Variants in ZBED5 observed in about 807,000 individuals in gnomAD.
ZBED5 encodes zinc finger BED domain-containing protein 5.
Under a neutral mutation model 49.2 loss-of-function variants are expected in ZBED5, and 29 were observed. The observed-to-expected ratio is 0.59, with a 90% CI of 0.44 to 0.80. The LOEUF (loss-of-function observed/expected upper bound fraction) is 0.80, where lower values mean the gene tolerates loss of function less well. ZBED5 is among the 30% of genes least tolerant of loss of function. The probability of loss-of-function intolerance (pLI) is 0.00; values close to 1 mark genes in which losing one functional copy is unlikely to be tolerated. For synonymous variants in ZBED5, 281 were observed against 292.5 expected (o/e 0.96, Z 0.40); for missense variants, 775 against 812.9 (o/e 0.95, Z 0.57).
At position 10,858,026 on chromosome 11, in the gene ZBED5, G is replaced by C. The variant is rs997047578; in HGVS notation, c.-420C>G. On this transcript the variant is annotated 5_prime_UTR_variant, in exon 1 of 3. It adds an upstream start codon to the 5' untranslated region. Transcript: ENST00000413761. ...GCCTAGGCCATCTCCATAGAGATCC[G>C]ATTCGCGGCTGGCGCGGTCGCCGGT... 8 of 307,500 alleles carry C rather than the reference G, an allele frequency of 2.6e-5. No homozygotes were observed. The highest frequency in any genetic ancestry group is 1.5e-4 in the Admixed American group (3 of 19,714). The allele number at this position is 307,500 out of a possible 1,614,324, so 19.0% of individuals were successfully genotyped here.
chr11:10,853,551 TAAAC>T lies in ZBED5; in HGVS notation c.1391_1394del (p.Cys464Ter). Reference sequence around the variant, plus strand: ...GTCTTAGCAGCCAAGATGAATTTGTTAAACAATCAGATAGTCGAAAAGCAGAATC... The same window carrying T: ...GTCTTAGCAGCCAAGATGAATTTGTTAATCAGATAGTCGAAAAGCAGAATC... On this transcript the variant is annotated frameshift_variant, in exon 3 of 3. Transcript: ENST00000413761. LOFTEE classifies it high-confidence loss of function. This position sits in a 1 kb window ranked among gnomAD's most constrained non-coding sequence, Gnocchi z 5.4. The T allele has an allele frequency of 1.3e-6, 2 of 1,549,466 alleles. No homozygotes were observed. The highest frequency in any genetic ancestry group is 1.2e-5 in the South Asian group (1 of 83,820).
Position 10,853,613 on chromosome 11 carries a change from A to T in ZBED5, c.1333T>A (p.Phe445Ile). ...ACCAAAAGTTCACGACGAAGTTCAAAAAGTCTTACAAGAACTTTACCTCGA... is the reference window on the plus strand; with the variant it reads ...ACCAAAAGTTCACGACGAAGTTCAATAAGTCTTACAAGAACTTTACCTCGA... ...LSRGKVLVRL[F>I]ELRRELLVFM... The change falls in exon 3 of 3, where the codon TTT (phenylalanine) becomes ATT (isoleucine). Residue 445 changes from phenylalanine (F) to isoleucine (I), a missense_variant. Physicochemically the swap from Phe to Ile is conservative, Grantham distance 21. Transcript: ENST00000413761. This position sits in a 1 kb window ranked among gnomAD's most constrained non-coding sequence, Gnocchi z 5.4. 1 of 1,551,474 alleles carries T rather than the reference A, an allele frequency of 6.4e-7. No individual in the cohort carries two copies. Among genetic ancestry groups the T allele is most frequent in the Non-Finnish European group, 8.7e-7 (1 of 1,146,918 alleles).
rs944364021 is a variant in ZBED5, at chr11:10,854,261, T to G, written c.685A>C (p.Met229Leu). 5 of 1,551,200 alleles carry G rather than the reference T, an allele frequency of 3.2e-6. No homozygotes were observed. Among genetic ancestry groups the G allele is most frequent in the Middle Eastern group, 1.7e-4 (1 of 5,992 alleles). Residue 229 changes from methionine to leucine, a missense_variant, in exon 3 of 3, where the codon ATG becomes CTG. Met to Leu is a conservative substitution (Grantham distance 15). Transcript: ENST00000413761. The surrounding 1 kb of genome is among the most constrained non-coding windows in gnomAD (Gnocchi z 5.0). ...KPCAKDVVMRMFDEQYSKKID... is the reference protein window; with the variant it reads ...KPCAKDVVMRLFDEQYSKKID... ...TTTTTACTATATTGTTCATCAAACA[T>G]CCGCATCACTACATCTTTTGCACAA...
Position 10,854,996 on chromosome 11 carries a change from T to C in ZBED5, c.-51A>G. 2 of 1,518,168 alleles carry C rather than the reference T, an allele frequency of 1.3e-6. No homozygotes were observed. Among genetic ancestry groups the C allele is most frequent in the South Asian group, 2.5e-5 (2 of 78,456 alleles). The allele number at this position is 1,518,168 out of a possible 1,614,324, so 94.0% of individuals were successfully genotyped here. A position where few individuals can be genotyped will look rare whatever the true frequency, so the allele number is the denominator to read the frequency against. On this transcript the variant is annotated 5_prime_UTR_variant, in exon 3 of 3. Transcript: ENST00000413761. This position sits in a 1 kb window ranked among gnomAD's most constrained non-coding sequence, Gnocchi z 5.0. Reference sequence around the variant, plus strand: ...TCAGTTAATTTGTAAATGCTGCCTATTCATCAATGCGCAGATGGAACATCA... The same window carrying C: ...TCAGTTAATTTGTAAATGCTGCCTACTCATCAATGCGCAGATGGAACATCA...
chr11:10,854,001 AG>A lies in ZBED5; in HGVS notation c.944del (p.Ala315ValfsTer45). 31 of 1,551,562 alleles carry A rather than the reference AG, an allele frequency of 2.0e-5. No homozygotes were observed. The highest frequency in any genetic ancestry group is 2.5e-5 in the Non-Finnish European group (29 of 1,146,930). On this transcript the variant is annotated frameshift_variant, in exon 3 of 3. Transcript: ENST00000413761. LOFTEE classifies it high-confidence loss of function. The surrounding 1 kb of genome is among the most constrained non-coding windows in gnomAD (Gnocchi z 5.0). ...LLLCESLQSN[A>X]TGEEIFNCIN... ...TACAGTTGAATATTTCTTCACCGGT[AG>A]CATTACTTTGCAAAGATTCACACAG...
At chr11:10,856,418 T>C (rs1254494441) in intron 1 of ZBED5, among the ~76,000 whole-genome samples, 161 bp from the exon 2 acceptor site, 1 of 152,246 alleles carries the variant, frequency 6.6e-6, no homozygotes, top group Non-Finnish European at 1.5e-5. Flanking sequence ...GTAAAAATTC[T>C]AACATTTTCA....
rs1488087439 is a variant in ZBED5 at position 10,853,636 on chromosome 11, C to T, written c.1310G>A (p.Arg437Gln). The T allele has an allele frequency of 2.3e-5, 35 of 1,551,478 alleles. No homozygotes were observed. Among genetic ancestry groups the T allele is most frequent in the Admixed American group, 3.9e-5 (2 of 50,972 alleles). The change falls in exon 3 of 3, where the codon CGA becomes CAA. Residue 437 changes from arginine to glutamine, a missense_variant. Transcript: ENST00000413761. This position sits in a 1 kb window ranked among gnomAD's most constrained non-coding sequence, Gnocchi z 5.4. ...LLNTEVRWLS[R>Q]GKVLVRLFEL... The stretch of plus-strand genomic sequence containing the variant: ...AAAAAGTCTTACAAGAACTTTACCT[C>T]GAGAAAGCCACCTCACCTCTGTATT...
rs1201121446 is a variant in ZBED5, at chr11:10,854,206, G to C, written c.740C>G (p.Thr247Ser). The C allele has an allele frequency of 1.9e-6, 3 of 1,551,090 alleles. No individual in the cohort carries two copies. The highest frequency in any genetic ancestry group is 2.6e-6 in the Non-Finnish European group (3 of 1,146,612). Residue 247 changes from threonine to serine, a missense_variant, in exon 3 of 3, where the codon ACT becomes AGT. Transcript: ENST00000413761. This position sits in a 1 kb window ranked among gnomAD's most constrained non-coding sequence, Gnocchi z 5.0. ...TAGATCCTTAATTCGACGTGCAACA[G>C]TACTGTTTGATAGCTGTACTGCATC... ...KIDAVQLSNS[T>S]VARRIKDLAA...
In ZBED5 at chr11:10,854,560, T is replaced by C. The variant is rs1384798268; in HGVS notation, c.386A>G (p.His129Arg). The C allele has an allele frequency of 1.3e-6, 2 of 1,551,388 alleles. No homozygotes were observed. The highest frequency in any genetic ancestry group is 1.2e-5 in the South Asian group (1 of 84,052). Residue 129 changes from histidine (H) to arginine (R), a missense_variant, in exon 3 of 3, where the codon CAT becomes CGT. By Grantham distance (29) the His-to-Arg change is conservative (BLOSUM62 0). Transcript: ENST00000413761. The surrounding 1 kb of genome is among the most constrained non-coding windows in gnomAD (Gnocchi z 5.0). ...TTTCTTACATAATACACACTGAGCA[T>C]GAGGTGCATCTCTATTTCCGAAGTA... ...FTYFGNRDAP[H>R]AQCVLCKKIL...
At position 10,854,510 on chromosome 11, in the gene ZBED5, G is replaced by C; in HGVS notation, c.436C>G (p.Pro146Ala). The C allele has an allele frequency of 6.4e-7, 1 of 1,551,408 alleles. No homozygotes were observed. Among genetic ancestry groups the C allele is most frequent in the South Asian group, 1.2e-5 (1 of 84,060 alleles). ...TCCAAATGTCTTCGAAGCTTACTAG[G>C]GGCTAAAGAGCTATTTGATAAAATT... ...KKILSNSSLA[P>A]SKLRRHLETK... Residue 146 changes from proline (P) to alanine (A), a missense_variant, in exon 3 of 3, where the codon CCT (proline) becomes GCT (alanine). Physicochemically the swap from Pro to Ala is conservative, Grantham distance 27. Transcript: ENST00000413761. This position sits in a 1 kb window ranked among gnomAD's most constrained non-coding sequence, Gnocchi z 5.0.
Position 10,854,276 on chromosome 11 carries a change from C to T in ZBED5, c.670G>A (p.Asp224Asn). ...GELLIKPCAK[D>N]VVMRMFDEQY... ...TCATCAAACATCCGCATCACTACAT[C>T]TTTTGCACAAGGTTTGATAAGCAAT... The change falls in exon 3 of 3, where the codon GAT becomes AAT. Residue 224 changes from aspartate to asparagine, a missense_variant. Physicochemically the swap from Asp to Asn is conservative, Grantham distance 23. Transcript: ENST00000413761. The surrounding 1 kb of genome is among the most constrained non-coding windows in gnomAD (Gnocchi z 5.0). 6.4e-7 allele frequency: 1 copy of T among 1,551,132 alleles called. No homozygotes were observed. Among genetic ancestry groups the T allele is most frequent in the Non-Finnish European group, 8.7e-7 (1 of 1,146,886 alleles).
In ZBED5 at chr11:10,853,519, T is replaced by C. The variant is rs1848130791; in HGVS notation, c.1427A>G (p.Tyr476Cys). 1.3e-6 allele frequency: 2 copies of C among 1,550,704 alleles called. No homozygotes were observed. Among genetic ancestry groups the C allele is most frequent in the Non-Finnish European group, 1.7e-6 (2 of 1,146,504 alleles). ...TAATTTAGTAAAAATATCTGCAAGATATGCAAGTCTTAGCAGCCAAGATGA... is the reference window on the plus strand; with the variant it reads ...TAATTTAGTAAAAATATCTGCAAGACATGCAAGTCTTAGCAGCCAAGATGA... ...TNSSWLLRLA[Y>C]LADIFTKLNE... Residue 476 changes from tyrosine to cysteine, a missense_variant, in exon 3 of 3, where the codon TAT becomes TGT. Physicochemically the swap from Tyr to Cys is radical, Grantham distance 194. Transcript: ENST00000413761. This position sits in a 1 kb window ranked among gnomAD's most constrained non-coding sequence, Gnocchi z 5.4.
Position 10,855,178 on chromosome 11 carries a change from C to A in ZBED5, c.-141-92G>T. 1 of 407,586 alleles carries A rather than the reference C, an allele frequency of 2.5e-6. No homozygotes were observed. The highest frequency in any genetic ancestry group is 4.4e-6 in the Non-Finnish European group (1 of 227,134). 25.2% of individuals were successfully genotyped at this position (407,586 alleles called of 1,614,324 possible). A position where few individuals can be genotyped will look rare whatever the true frequency, so the allele number is the denominator to read the frequency against. On this transcript the variant is annotated intron_variant, in intron 2 of 2. Transcript: ENST00000413761. The surrounding 1 kb of genome is among the most constrained non-coding windows in gnomAD (Gnocchi z 4.1). ...TTTAAATAAACATATTAAAATCAACCATAAAGAAAAACCAATATTAGCATC... is the reference window on the plus strand; with the variant it reads ...TTTAAATAAACATATTAAAATCAACAATAAAGAAAAACCAATATTAGCATC...
In ZBED5 at chr11:10,852,713, A is replaced by G; in HGVS notation, c.*151T>C. 8.0e-7 allele frequency: 1 copy of G among 1,252,220 alleles called. No individual in the cohort carries two copies. 77.6% of individuals were successfully genotyped at this position (1,252,220 alleles called of 1,614,324 possible). The stretch of plus-strand genomic sequence containing the variant: ...ACCAATAATAACACAATATGTTTAA[A>G]ACGTTTGATTCTTTAGCCTTCTTAA... On this transcript the variant is annotated 3_prime_UTR_variant, in exon 3 of 3. Transcript: ENST00000413761.
In ZBED5 at chr11:10,853,667, G is replaced by T; in HGVS notation, c.1279C>A (p.Leu427Ile). The stretch of plus-strand genomic sequence containing the variant: ...AGCCACCTCACCTCTGTATTTAGAA[G>T]AAGTGCTGTGTGCTGAGCACCCATT... ...EEMGAQHTAL[L>I]LNTEVRWLSR... Residue 427 changes from leucine (L) to isoleucine (I), a missense_variant, in exon 3 of 3, where the codon CTT (leucine) becomes ATT (isoleucine). By Grantham distance (5) the Leu-to-Ile change is conservative. Coordinates refer to ENST00000413761, the MANE Select transcript of ZBED5 (RefSeq NM_001143667.2). This position sits in a 1 kb window ranked among gnomAD's most constrained non-coding sequence, Gnocchi z 5.4. The T allele has an allele frequency of 6.4e-7, 1 of 1,551,656 alleles. No homozygotes were observed. Among genetic ancestry groups the T allele is most frequent in the Non-Finnish European group, 8.7e-7 (1 of 1,146,946 alleles).
At position 10,853,750 on chromosome 11, in the gene ZBED5, A is replaced by T. The variant is rs997673856; in HGVS notation, c.1196T>A (p.Ile399Asn). ...ATGTGGTCGAGCTTTAATATAATTG[A>T]TGATTTGTACTGCCTGGTCTAGCAC... ...KNVLDQAVQIINYIKARPHQS... is the reference protein window; with the variant it reads ...KNVLDQAVQINNYIKARPHQS... The change falls in exon 3 of 3, where the codon ATC becomes AAC. Residue 399 changes from isoleucine to asparagine, a missense_variant. Physicochemically the swap from Ile to Asn is moderately radical, Grantham distance 149 (BLOSUM62 -3). Coordinates refer to ENST00000413761, the MANE Select transcript of ZBED5 (RefSeq NM_001143667.2). The surrounding 1 kb of genome is among the most constrained non-coding windows in gnomAD (Gnocchi z 5.4). The T allele has an allele frequency of 3.9e-6, 6 of 1,551,438 alleles. No individual in the cohort carries two copies. In the African/African-American group the frequency reaches 8.2e-5, roughly 21 times the overall value.
In ZBED5 at chr11:10,854,836, T is replaced by G; in HGVS notation, c.110A>C (p.Asp37Ala). The change falls in exon 3 of 3, where the codon GAT becomes GCT. Residue 37 changes from aspartate to alanine, a missense_variant. Asp to Ala is a moderately radical substitution (Grantham distance 126). Transcript: ENST00000413761. The surrounding 1 kb of genome is among the most constrained non-coding windows in gnomAD (Gnocchi z 5.0). Reference protein sequence around the residue: ...MFCTTNSLPMDLLLKQGSLKQ... With the variant: ...MFCTTNSLPMALLLKQGSLKQ... The stretch of plus-strand genomic sequence containing the variant: ...AAGACTTCCTTGTTTCAGCAACAGA[T>G]CCATGGGCAATGAGTTTGTGGTACA... 6.4e-7 allele frequency: 1 copy of G among 1,552,060 alleles called. No homozygotes were observed. Among genetic ancestry groups the G allele is most frequent in the Non-Finnish European group, 8.7e-7 (1 of 1,147,004 alleles).
Position 10,853,434 on chromosome 11 carries a change from T to G in ZBED5, c.1512A>C (p.Lys504Asn). The change falls in exon 3 of 3, where the codon AAA becomes AAC. Residue 504 changes from lysine (K) to asparagine (N), a missense_variant. Transcript: ENST00000413761. This position sits in a 1 kb window ranked among gnomAD's most constrained non-coding sequence, Gnocchi z 5.4. ...KNVTVFTVFD[K>N]MSSLLRKLEF... ...CCAATTTTCTTAACAATGACGACAT[T>G]TTATCAAATACTGTAAAAACGGTCA... 5.8e-6 allele frequency: 9 copies of G among 1,549,984 alleles called. No homozygotes were observed. Among genetic ancestry groups the G allele is most frequent in the Non-Finnish European group, 7.9e-6 (9 of 1,146,190 alleles).
chr11:10,855,988 A>G lies in ZBED5; in HGVS notation c.-142+156T>C, dbSNP rs1848174393. 2 of 152,206 alleles carry G rather than the reference A, an allele frequency of 1.3e-5. No homozygotes were observed. Among genetic ancestry groups the G allele is most frequent in the Admixed American group, 1.3e-4 (2 of 15,286 alleles). 9.4% of individuals were successfully genotyped at this position (152,206 alleles called of 1,614,324 possible). On this transcript the variant is annotated intron_variant, in intron 2 of 2. Transcript: ENST00000413761. The surrounding 1 kb of genome is among the most constrained non-coding windows in gnomAD (Gnocchi z 4.1). Reference sequence around the variant, plus strand: ...AATCTAAGGATTGCTAAAGAATACTATTAACTCTATAAATCAAGGCATACA... The same window carrying G: ...AATCTAAGGATTGCTAAAGAATACTGTTAACTCTATAAATCAAGGCATACA...
Sources: allele counts gnomAD v4.1 joint callset (sites outside exome capture counted in the v4.1 genomes callset), GRCh38; gene constraint gnomAD v4.1.1; non-coding constraint Gnocchi (gnomAD v3.1); transcripts MANE v1.5; gene names NCBI Gene and HGNC (gene_info 2026-07-23, HGNC 2026-07-21).